ACBD7: variants seen among roughly 807,000 people sequenced by gnomAD.
ACBD7 encodes acyl-CoA-binding domain-containing protein 7.
Under a neutral mutation model 13.7 loss-of-function variants are expected in ACBD7, and 11 were observed. The observed-to-expected ratio is 0.80, with a 90% CI of 0.50 to 1.33. The LOEUF (loss-of-function observed/expected upper bound fraction) is 1.33, where lower values mean the gene tolerates loss of function less well. Among genes scored for constraint, ACBD7 ranks in the 40% most tolerant of loss-of-function variants. The pLI, the probability that ACBD7 is intolerant of heterozygous loss-of-function variation, is 0.00. For missense variants in ACBD7, 111 were observed against 103.0 expected (o/e 1.08, Z -0.33); for synonymous variants, 43 against 37.7 (o/e 1.14, Z -0.51).
rs1414431138 is a variant in ACBD7 at position 15,076,794 on chromosome 10, C to T, written c.*1736G>A. 6 of 985,252 alleles carry T rather than the reference C, an allele frequency of 6.1e-6. No homozygotes were observed. Among genetic ancestry groups the T allele is most frequent in the East Asian group, 1.1e-4 (1 of 8,820 alleles). The allele number at this position is 985,252 out of a possible 1,614,324, so 61.0% of individuals were successfully genotyped here. A position where few individuals can be genotyped will look rare whatever the true frequency, so the allele number is the denominator to read the frequency against. ...CTGAGATTAGAGGCGTGAGCCACCA[C>T]GCTCAGCCTTGCCATTGATTCTTAA... is the stretch of plus-strand genomic sequence containing the variant. On this transcript the variant is annotated 3_prime_UTR_variant, in exon 4 of 4. Transcript: ENST00000356189.
In ACBD7 at chr10:15,077,340, A is replaced by G. The variant is rs750525744; in HGVS notation, c.*1190T>C. Among the ~76,000 whole-genome samples the G allele has an allele frequency of 1.1e-4, 16 of 152,176 alleles. No homozygotes were observed. The highest frequency in any genetic ancestry group is 1.6e-4 in the Non-Finnish European group (11 of 68,036). ...CTTAAGTGAAACAACTCAGAAAAAAATAAGAAAATAAAGATTTTTAAAGAA... is the reference window on the plus strand; with the variant it reads ...CTTAAGTGAAACAACTCAGAAAAAAGTAAGAAAATAAAGATTTTTAAAGAA... On this transcript the variant is annotated 3_prime_UTR_variant, in exon 4 of 4. Transcript: ENST00000356189.
Position 15,079,268 on chromosome 10 carries a change from C to CTTTTT in ACBD7, c.13-233_13-229dup, listed in dbSNP as rs36008210. ...ATACAGAAAATGTTCGGTTTAACTT[C>CTTTTT]TTTTTTTTTTTTTTTTTTTGAGCCA... is the stretch of plus-strand genomic sequence containing the variant. On this transcript the variant is annotated intron_variant, in intron 1 of 3. Coordinates refer to ENST00000356189, the MANE Select transcript of ACBD7 (RefSeq NM_001039844.3). 7.9e-5 allele frequency among the ~76,000 whole-genome samples: 10 copies of CTTTTT among 126,412 alleles called. 1 individual carries two copies. Among genetic ancestry groups the CTTTTT allele is most frequent in the South Asian group, 2.5e-4 (1 of 4,052 alleles). The allele number at this position is 126,412 out of a possible 152,430, so 82.9% of individuals were successfully genotyped here. A position where few individuals can be genotyped will look rare whatever the true frequency, so the allele number is the denominator to read the frequency against.
intron 1 of ACBD7, chr10:15,088,403 G>A: frequency 2.0e-6 from 1 of 488,392 alleles, no homozygotes; most frequent in East Asian, 3.8e-5. Context: ...GAAGGGGCGG[G>A]AGCGGGGGAT....
intron 1 of ACBD7, chr10:15,088,463 C>T (rs1418716474): frequency 7.4e-6 from 4 of 540,814 alleles, no homozygotes; most frequent in African/African-American, 4.1e-5. Flanking sequence ...CCGTGCTCCC[C>T]GGCGCTCCTG....
At chr10:15,083,638 G>A (rs372277778) in intron 1 of ACBD7, among the ~76,000 whole-genome samples, 22 of 152,090 alleles carry the variant, frequency 1.4e-4, no homozygotes, top group African/African-American at 4.8e-4. Context: ...GCACCACCAC[G>A]CCTGGCTAAT....
rs1844711401 is a variant in ACBD7, at chr10:15,078,636, T to G, written c.194-33A>C. 1.9e-6 allele frequency: 3 copies of G among 1,614,030 alleles called. No homozygotes were observed. The South Asian group carries it at 3.3e-5, about 18-fold the overall frequency. Reference sequence around the variant, plus strand: ...GATACAAACAGGTTATCTCCCTGATTGGTGCACTGGGAAATTAAGAAAGTT... The same window carrying G: ...GATACAAACAGGTTATCTCCCTGATGGGTGCACTGGGAAATTAAGAAAGTT... On this transcript the variant is annotated intron_variant, in intron 3 of 3. Coordinates refer to ENST00000356189, the MANE Select transcript of ACBD7 (RefSeq NM_001039844.3).
chr10:15,083,637 C>T (rs1313282268), intron 1 of ACBD7, among the ~76,000 whole-genome samples: 5 of 152,120 alleles, frequency 3.3e-5, no homozygotes, highest in Non-Finnish European at 4.4e-5. Flanking sequence ...TGCACCACCA[C>T]GCCTGGCTAA....
At position 15,079,438 on chromosome 10, in the gene ACBD7, C is replaced by T. The variant is rs1033793861; in HGVS notation, c.13-398G>A. On this transcript the variant is annotated intron_variant, in intron 1 of 3. Transcript: ENST00000356189. ...TACAGGGGTGCACCACCACACTCGGCTAATTTTTGTATTTTTTGTAGAGAT... is the reference window on the plus strand; with the variant it reads ...TACAGGGGTGCACCACCACACTCGGTTAATTTTTGTATTTTTTGTAGAGAT... 4.7e-5 allele frequency among the ~76,000 whole-genome samples: 7 copies of T among 149,416 alleles called. No homozygotes were observed. In the Admixed American group the frequency reaches 4.8e-4, roughly 10 times the overall value.
intron 1 of ACBD7, among the ~76,000 whole-genome samples, chr10:15,083,644 C>A (rs1844774665): frequency 6.6e-6 from 1 of 152,148 alleles, no homozygotes; most frequent in Non-Finnish European, 1.5e-5. Context: ...CCACGCCTGG[C>A]TAATTTTTTT....
chr10:15,086,310 A>G (rs1844807790), intron 1 of ACBD7, among the ~76,000 whole-genome samples: 1 of 152,042 alleles, frequency 6.6e-6, no homozygotes, highest in South Asian at 2.1e-4. Flanking sequence ...CCATCTCAAA[A>G]AAAAAAAAAG....
intron 1 of ACBD7, among the ~76,000 whole-genome samples, chr10:15,081,670 C>T (rs917439663): frequency 6.6e-6 from 1 of 152,210 alleles, no homozygotes; most frequent in Non-Finnish European, 1.5e-5. Context: ...ATCTGCATCT[C>T]GTTATTGAGC....
chr10:15,084,631 G>T (rs1844788481), intron 1 of ACBD7, among the ~76,000 whole-genome samples: 1 of 152,180 alleles, frequency 6.6e-6, no homozygotes, highest in South Asian at 2.1e-4. Flanking sequence ...CTTCCCATTG[G>T]TTACTTGGTG....
At chr10:15,080,093 G>C (rs1589260024) in intron 1 of ACBD7, among the ~76,000 whole-genome samples, 1 of 151,890 alleles carries the variant, frequency 6.6e-6, no homozygotes, top group East Asian at 1.9e-4. Context: ...AGTTTCTGAG[G>C]GTAATCACTA....
At chr10:15,080,360 G>A (rs1357657145) in intron 1 of ACBD7, among the ~76,000 whole-genome samples, 2 of 151,844 alleles carry the variant, frequency 1.3e-5, no homozygotes, top group African/African-American at 2.4e-5. Context: ...CAGGGGGATC[G>A]CTTGAGGTCA....
chr10:15,081,425 TTAAG>T (rs1357605253), intron 1 of ACBD7, among the ~76,000 whole-genome samples: 1 of 152,186 alleles, frequency 6.6e-6, no homozygotes, highest in Non-Finnish European at 1.5e-5. Context: ...CCCATCCAGA[TTAAG>T]TAAATTTACT....
At chr10:15,085,808 A>T (rs1844801819) in intron 1 of ACBD7, among the ~76,000 whole-genome samples, 1 of 149,898 alleles carries the variant, frequency 6.7e-6, no homozygotes, top group South Asian at 2.1e-4. Flanking sequence ...TTGTTTTGCT[A>T]CTCCAATGAC....
At chr10:15,085,284 C>T (rs974755883) in intron 1 of ACBD7, among the ~76,000 whole-genome samples, 2 of 152,190 alleles carry the variant, frequency 1.3e-5, no homozygotes, top group Non-Finnish European at 2.9e-5. Context: ...GTAGAAGTTA[C>T]GCCAGCATCA....
At chr10:15,078,658 A>C (rs763538151) in intron 3 of ACBD7, 33 bp downstream of exon 3, 8 of 1,614,062 alleles carry the variant, frequency 5.0e-6, no homozygotes, top group South Asian at 3.3e-5. Flanking sequence ...AAATTAAGAA[A>C]GTTTGCTTTA....
At position 15,078,741 on chromosome 10, in the gene ACBD7, A is replaced by G; in HGVS notation, c.143T>C (p.Met48Thr). Residue 48 changes from methionine to threonine, a missense_variant, in exon 3 of 4, where the codon ATG becomes ACG. Coordinates refer to ENST00000356189, the MANE Select transcript of ACBD7 (RefSeq NM_001039844.3). The stretch of plus-strand genomic sequence containing the variant: ...TTTGGCTTTGCCTTTTAAATCTAGC[A>G]TTCCTGGACACGCTGGCAAAAGAAG... ...VGDINIACPG[M>T]LDLKGKAKWE... 6.2e-7 allele frequency: 1 copy of G among 1,614,020 alleles called. No homozygotes were observed. Among genetic ancestry groups the G allele is most frequent in the Non-Finnish European group, 8.5e-7 (1 of 1,179,970 alleles).
Sources: gnomAD v4.1 joint callset for allele counts (sites outside exome capture counted in the v4.1 genomes callset) on GRCh38, gnomAD v4.1.1 for gene constraint, MANE v1.5 for transcripts, NCBI Gene and HGNC (gene_info 2026-07-23, HGNC 2026-07-21) for gene names.